Variants in CHAT observed in about 807,000 individuals in gnomAD.
CHAT encodes choline O-acetyltransferase, also known as acetyl CoA:choline O-acetyltransferase.
CHAT carries 61 observed loss-of-function variants against 76.9 expected under a neutral mutation model. That is an observed-to-expected ratio of 0.79 (90% confidence interval 0.65 to 0.98). The LOEUF (loss-of-function observed/expected upper bound fraction) is 0.98. Among genes scored for constraint, CHAT ranks in the 50% least tolerant of loss-of-function variants. The pLI is 0.00. For synonymous variants in CHAT, 407 were observed against 397.4 expected, an observed-to-expected ratio of 1.02 and a Z score of -0.29; for missense variants, 946 against 986.9, an observed-to-expected ratio of 0.96 and a Z score of 0.56.
intron 7 of CHAT, among the ~76,000 whole-genome samples, chr10:49,630,477 T>C (rs1283963388): frequency 2.0e-5 from 3 of 152,108 alleles, no homozygotes; most frequent in Non-Finnish European, 2.9e-5. Context: ...GGAGAACAAA[T>C]GCTTGCACAC....
upstream of CHAT, chr10:49,611,053 T>C (rs1459699322): frequency 6.2e-7 from 1 of 1,614,036 alleles, no homozygotes; most frequent in South Asian, 1.1e-5. Flanking sequence ...GACAGCTGCG[T>C]GGCCAGCGGG....
At chr10:49,613,007 C>T (rs1476949553), upstream of CHAT, 2 of 152,404 alleles carry the variant, frequency 1.3e-5, no homozygotes, top group African/African-American at 4.8e-5. Context: ...CCTGAGGACC[C>T]GCTCCAGCTA....
chr10:49,611,157 C>T (rs1838283854), upstream of CHAT: 1 of 1,614,198 alleles, frequency 6.2e-7, no homozygotes, highest in Non-Finnish European at 8.5e-7. Context: ...TGCTAGTGAA[C>T]CCCTTGAGCG....
At chr10:49,649,874 T>TAA (rs1839816700) in intron 10 of CHAT, among the ~76,000 whole-genome samples, 1 of 54,770 alleles carries the variant, frequency 1.8e-5, no homozygotes, top group African/African-American at 5.0e-5. Context: ...CTATTTTTTT[T>TAA]TTTTTTTTTT....
rs187641071 is a variant in CHAT at position 49,627,279 on chromosome 10, G to A, written c.934-329G>A. 5.4e-4 allele frequency among the ~76,000 whole-genome samples: 82 copies of A among 152,380 alleles called. No individual in the cohort carries two copies. In the Middle Eastern group the frequency reaches 0.02, roughly 38 times the overall value. ...AGTGCAATTGCTTAGTCATAGGTAT[G>A]CACATTTTTAGTTTTGATAGACACT... On this transcript the variant is annotated intron_variant, in intron 6 of 14. Coordinates refer to ENST00000337653, the MANE Select transcript of CHAT (RefSeq NM_020549.5).
chr10:49,646,458 G>T, intron 7 of CHAT, 47 bp from the exon 8 acceptor site: 1 of 1,610,528 alleles, frequency 6.2e-7, no homozygotes. Flanking sequence ...AGGGAAGACT[G>T]GCCTGGAGCG....
chr10:49,649,819 A>G (rs150197558), intron 10 of CHAT, among the ~76,000 whole-genome samples, 183 bp downstream of exon 10: 1 of 151,178 alleles, frequency 6.6e-6, no homozygotes, highest in African/African-American at 2.4e-5. Context: ...TGGGGAAATA[A>G]CCTTGCTGAA....
At chr10:49,610,926 C>G (rs771775048), upstream of CHAT, 1 of 1,611,422 alleles carries the variant, frequency 6.2e-7, no homozygotes, top group Non-Finnish European at 8.5e-7. Flanking sequence ...ACTACATCGC[C>G]CACATGCGCG....
At chr10:49,649,468 C>T in intron 9 of CHAT, 40 bp from the exon 10 acceptor site, 1 of 1,613,464 alleles carries the variant, frequency 6.2e-7, no homozygotes, top group Non-Finnish European at 8.5e-7. Flanking sequence ...CCACAGCTGT[C>T]TGGCCGCAGA....
At chr10:49,627,967 G>A (rs571140728) in intron 7 of CHAT, among the ~76,000 whole-genome samples, 182 bp downstream of exon 7, 6 of 152,158 alleles carry the variant, frequency 3.9e-5, no homozygotes, top group Non-Finnish European at 5.9e-5. Flanking sequence ...TTGTGCCCTC[G>A]TGTTCCATCT....
chr10:49,623,057 C>T (rs563039591), intron 5 of CHAT, among the ~76,000 whole-genome samples: 4 of 152,292 alleles, frequency 2.6e-5, no homozygotes, highest in African/African-American at 7.2e-5. Flanking sequence ...CTGCACCACA[C>T]GCTCCTGTGT....
At chr10:49,627,527 A>G (rs1438417989) in intron 6 of CHAT, 81 bp from the exon 7 acceptor site, 10 of 1,444,234 alleles carry the variant, frequency 6.9e-6, no homozygotes, top group Admixed American at 3.3e-5. Flanking sequence ...CCCTGCCCCA[A>G]GCTTACCTGT....
intron 7 of CHAT, among the ~76,000 whole-genome samples, chr10:49,631,799 A>G (rs955853577): frequency 6.6e-5 from 10 of 151,920 alleles, no homozygotes; most frequent in African/African-American, 2.4e-4. Context: ...GAGATGGAGG[A>G]GTTGGGAGAG....
upstream of CHAT, chr10:49,611,176 A>G (rs770204303): frequency 1.3e-5 from 21 of 1,614,010 alleles, no homozygotes; most frequent in Non-Finnish European, 1.7e-5. Context: ...CGGGCCCTTC[A>G]TCGACCGCAT....
At chr10:49,645,903 G>A (rs568827460) in intron 7 of CHAT, among the ~76,000 whole-genome samples, 1 of 152,180 alleles carries the variant, frequency 6.6e-6, no homozygotes, top group Admixed American at 6.5e-5. Flanking sequence ...TCCAGATGTG[G>A]GTTCAAGGCA....
At chr10:49,617,877 A>G (rs930855205) in intron 2 of CHAT, among the ~76,000 whole-genome samples, 1 of 152,206 alleles carries the variant, frequency 6.6e-6, no homozygotes, top group Non-Finnish European at 1.5e-5. Context: ...AGCAGCCCGT[A>G]GTTGGCACTG....
rs193059622 is a variant in CHAT, at chr10:49,662,443, C to T, written c.1840-202C>T. 2.2e-4 allele frequency among the ~76,000 whole-genome samples: 33 copies of T among 152,326 alleles called. No individual in the cohort carries two copies. The South Asian group carries it at 5.2e-3, about 24-fold the overall frequency. ...GACTCATTCAGTGCATGTGGAAATG[C>T]GCAAGGGCCCGGGAGCAGAGGCCGC... On this transcript the variant is annotated intron_variant, in intron 13 of 14. Transcript: ENST00000337653.
chr10:49,614,275 G>C lies in CHAT; in HGVS notation c.86G>C (p.Arg29Thr). 6.5e-7 allele frequency: 1 copy of C among 1,548,662 alleles called. No homozygotes were observed. Among genetic ancestry groups the C allele is most frequent in the East Asian group, 2.4e-5 (1 of 40,896 alleles). Reference sequence around the variant, plus strand: ...GAGGGAGGAGGTACAAGAGGAAGGAGAGAAGTGCGGCCAGCTTGCTTTCTC... The same window carrying C: ...GAGGGAGGAGGTACAAGAGGAAGGACAGAAGTGCGGCCAGCTTGCTTTCTC... ...REEGGGTRGR[R>T]EVRPACFLQS... Residue 29 changes from arginine (R) to threonine (T), a missense_variant, in exon 1 of 15, where the codon AGA (arginine) becomes ACA (threonine). By Grantham distance (71) the Arg-to-Thr change is moderately conservative. Around this residue, in one of 3 missense-constraint regions of CHAT, gnomAD observed 548 missense variants for 516.2 expected, o/e 1.06. Transcript: ENST00000337653.
At chr10:49,648,738 CA>C in intron 9 of CHAT, 131 bp downstream of exon 9, 1 of 660,538 alleles carries the variant, frequency 1.5e-6, no homozygotes, top group Middle Eastern at 3.7e-4. Flanking sequence ...CACACACACA[CA>C]CACACACACA....
Sources: allele counts gnomAD v4.1 joint callset (sites outside exome capture counted in the v4.1 genomes callset), GRCh38; gene constraint gnomAD v4.1.1; regional missense constraint gnomAD v4.1.1; transcripts MANE v1.5; gene names NCBI Gene and HGNC (gene_info 2026-07-23, HGNC 2026-07-21).